The following RAP1GAP2 variants were observed in gnomAD, a reference collection of about 807,000 sequenced individuals.
The protein encoded by RAP1GAP2 is RAP1 GTPase activating protein 2, also known as rap1 GTPase-activating protein 2.
Under a neutral mutation model 95.0 loss-of-function variants are expected in RAP1GAP2, and 27 were observed. The ratio of observed to expected loss-of-function variants is 0.28; its 90% CI spans 0.21 to 0.39. RAP1GAP2 has a LOEUF of 0.39. Ranked by LOEUF, RAP1GAP2 falls within the 10% of genes least tolerant of loss-of-function variation. The pLI is 1.00. For synonymous variants in RAP1GAP2, 373 were observed against 380.9 expected (o/e 0.98, Z 0.24); for missense variants, 771 against 970.0 (o/e 0.79, Z 2.72).
chr17:2,898,485 A>G (rs866372660), intron 2 of RAP1GAP2, among the ~76,000 whole-genome samples: 1 of 152,176 alleles, frequency 6.6e-6, no homozygotes, highest in Non-Finnish European at 1.5e-5. Flanking sequence ...CAGCACAGGC[A>G]TGAGGGTCAT....
chr17:3,011,689 G>A (rs2046553580), intron 17 of RAP1GAP2, among the ~76,000 whole-genome samples: 2 of 140,154 alleles, frequency 1.4e-5, no homozygotes, highest in South Asian at 2.3e-4. Context: ...GTGCGACCTC[G>A]GCTCACTGCA....
chr17:2,907,506 G>C (rs1384460650), intron 3 of RAP1GAP2, among the ~76,000 whole-genome samples: 1 of 152,060 alleles, frequency 6.6e-6, no homozygotes, highest in Non-Finnish European at 1.5e-5. Context: ...AGTTAAACGT[G>C]GTGAATATTC....
intron 2 of RAP1GAP2, among the ~76,000 whole-genome samples, chr17:2,877,708 G>C (rs774354284): frequency 6.6e-6 from 1 of 152,192 alleles, no homozygotes; most frequent in Non-Finnish European, 1.5e-5. Flanking sequence ...CTGAGATTGC[G>C]CCACTGTACT....
intron 2 of RAP1GAP2, among the ~76,000 whole-genome samples, chr17:2,811,382 G>A (rs2069764036): frequency 2.0e-5 from 3 of 152,296 alleles, no homozygotes; most frequent in African/African-American, 4.8e-5. Flanking sequence ...GGGCAGGGTC[G>A]GGACGTGAGG....
intron 2 of RAP1GAP2, chr17:2,853,908 G>A (rs2072007728): frequency 7.2e-6 from 7 of 978,772 alleles, no homozygotes; most frequent in Non-Finnish European, 8.5e-6. Context: ...GGGCCGGGGC[G>A]CGGGCTCAGG....
chr17:2,816,270 C>G (rs1345689289), intron 2 of RAP1GAP2, among the ~76,000 whole-genome samples: 2 of 150,736 alleles, frequency 1.3e-5, no homozygotes, highest in Admixed American at 6.7e-5. Flanking sequence ...GACATGCAAA[C>G]CTCTGAGTAC....
At position 2,800,316 on chromosome 17, in the gene RAP1GAP2, G is replaced by T. The variant is rs2069230410; in HGVS notation, c.45-199G>T. ...GGAGAATAATAATACGCATGTTGTAGGGTGGTGTGTGGCCCCAGCTCTCCC... is the reference window on the plus strand; with the variant it reads ...GGAGAATAATAATACGCATGTTGTATGGTGGTGTGTGGCCCCAGCTCTCCC... On this transcript the variant is annotated intron_variant, in intron 1 of 24. Coordinates refer to ENST00000254695, the MANE Select transcript of RAP1GAP2 (RefSeq NM_015085.5). 4.7e-6 allele frequency: 4 copies of T among 857,372 alleles called. No homozygotes were observed. The South Asian group carries it at 2.1e-4, about 46-fold the overall frequency. 53.1% of individuals were successfully genotyped at this position (857,372 alleles called of 1,614,324 possible).
intron 3 of RAP1GAP2, among the ~76,000 whole-genome samples, chr17:2,950,170 C>T (rs1462616353): frequency 6.6e-6 from 1 of 151,994 alleles, no homozygotes; most frequent in Non-Finnish European, 1.5e-5. Context: ...TCTCCTGCCT[C>T]AGCCTCCCAA....
chr17:2,876,280 T>G (rs2073096378), intron 2 of RAP1GAP2, among the ~76,000 whole-genome samples: 1 of 152,104 alleles, frequency 6.6e-6, no homozygotes, highest in Non-Finnish European at 1.5e-5. Flanking sequence ...TGTAAAATAT[T>G]CGAAGAGATT....
intron 3 of RAP1GAP2, among the ~76,000 whole-genome samples, chr17:2,950,864 G>C (rs2043900087): frequency 6.6e-6 from 1 of 152,126 alleles, no homozygotes; most frequent in South Asian, 2.1e-4. Context: ...ACCCACCTCA[G>C]CCTCCCTAAG....
rs1260331984 is a variant in RAP1GAP2, at chr17:2,762,929, G to A, written c.50+7162G>A. ...GGACTCAAGCAATCCTCCTACCTCAGCCTCTGAAAGTACTGGGACTACAGG... is the reference window on the plus strand; with the variant it reads ...GGACTCAAGCAATCCTCCTACCTCAACCTCTGAAAGTACTGGGACTACAGG... On this transcript the variant is annotated intron_variant, in intron 1 of 25. Coordinates refer to the RAP1GAP2 transcript ENST00000637138. Among the ~76,000 whole-genome samples the A allele has an allele frequency of 4.6e-5, 7 of 152,196 alleles. No homozygotes were observed. The East Asian group carries it at 1.4e-3, about 29-fold the overall frequency.
At chr17:2,888,798 A>C (rs2073589858) in intron 2 of RAP1GAP2, among the ~76,000 whole-genome samples, 1 of 148,134 alleles carries the variant, frequency 6.8e-6, no homozygotes, top group African/African-American at 2.5e-5. Flanking sequence ...ACTACAGTGT[A>C]CACCACCACG....
At chr17:3,014,499 T>C (rs1278717601) in intron 17 of RAP1GAP2, among the ~76,000 whole-genome samples, 3 of 151,830 alleles carry the variant, frequency 2.0e-5, no homozygotes, top group Non-Finnish European at 4.4e-5. Flanking sequence ...TGATTGATGA[T>C]GGTGTTGTCA....
At chr17:2,810,742 G>A (rs2069734771) in intron 2 of RAP1GAP2, among the ~76,000 whole-genome samples, 1 of 151,944 alleles carries the variant, frequency 6.6e-6, no homozygotes, top group African/African-American at 2.4e-5. Flanking sequence ...CGTTGGTCAG[G>A]CTGGTCGCAA....
intron 4 of RAP1GAP2, among the ~76,000 whole-genome samples, chr17:2,961,890 A>ATTT (rs34857082): frequency 3.6e-5 from 4 of 111,974 alleles, no homozygotes; most frequent in Non-Finnish European, 7.1e-5. Context: ...GACCCTAAGG[A>ATTT]TTTTTTTTTT....
chr17:2,868,386 G>A (rs1161123471), intron 2 of RAP1GAP2, among the ~76,000 whole-genome samples: 1 of 152,218 alleles, frequency 6.6e-6, no homozygotes, highest in Non-Finnish European at 1.5e-5. Context: ...GGGGATATAT[G>A]ATCTTGAACG....
intron 2 of RAP1GAP2, among the ~76,000 whole-genome samples, chr17:2,813,878 A>C (rs547462818): frequency 6.6e-6 from 1 of 152,076 alleles, no homozygotes; most frequent in African/African-American, 2.4e-5. Context: ...CAGGAGAATC[A>C]CTTAAACCCG....
At chr17:2,803,282 C>T (rs1043401219) in intron 2 of RAP1GAP2, among the ~76,000 whole-genome samples, 1 of 152,156 alleles carries the variant, frequency 6.6e-6, no homozygotes, top group Admixed American at 6.5e-5. Context: ...GTGTGTAGCA[C>T]TGTGTTCGGA....
chr17:2,940,458 G>A (rs1361941322), intron 3 of RAP1GAP2, among the ~76,000 whole-genome samples: 1 of 152,236 alleles, frequency 6.6e-6, no homozygotes, highest in Non-Finnish European at 1.5e-5. Context: ...GGTGGGAGTT[G>A]CCATGGCGAG....
Sources: gnomAD v4.1 joint callset for allele counts (sites outside exome capture counted in the v4.1 genomes callset) on GRCh38, gnomAD v4.1.1 for gene constraint, MANE v1.5 for transcripts, NCBI Gene and HGNC (gene_info 2026-07-23, HGNC 2026-07-21) for gene names.